The following BANK1 variants were observed in gnomAD, a reference collection of about 807,000 sequenced individuals.
BANK1 encodes B cell scaffold protein with ankyrin repeats 1.
BANK1 carries 95 observed loss-of-function variants against 94.5 expected under a neutral mutation model. The ratio of observed to expected loss-of-function variants is 1.00; its 90% CI spans 0.85 to 1.19. The LOEUF (loss-of-function observed/expected upper bound fraction) is 1.19. Among genes scored for constraint, BANK1 ranks in the 50% most tolerant of loss-of-function variants. The probability of loss-of-function intolerance (pLI) is 0.00; values close to 1 mark genes in which losing one functional copy is unlikely to be tolerated. For synonymous variants in BANK1, 334 were observed against 308.4 expected (o/e 1.08, Z -0.87); for missense variants, 987 against 932.2 (o/e 1.06, Z -0.77).
At chr4:101,976,061 G>A (rs1725115860) in intron 7 of BANK1, among the ~76,000 whole-genome samples, 1 of 152,130 alleles carries the variant, frequency 6.6e-6, no homozygotes, top group Non-Finnish European at 1.5e-5. Flanking sequence ...ATAATTTTCA[G>A]CACCTTGTAT....
intron 10 of BANK1, among the ~76,000 whole-genome samples, chr4:102,035,069 G>A (rs1727455788): frequency 6.6e-6 from 1 of 152,124 alleles, no homozygotes; most frequent in Non-Finnish European, 1.5e-5. Context: ...TGATAGAAGT[G>A]ACAAGATCCA....
At position 101,831,430 on chromosome 4, in the gene BANK1, T is replaced by C. The variant is rs528966057; in HGVS notation, c.469+1224T>C. Among the ~76,000 whole-genome samples the C allele has an allele frequency of 8.5e-5, 13 of 152,350 alleles. No individual in the cohort carries two copies. The South Asian group carries it at 2.1e-3, about 24-fold the overall frequency. ...ACTTTCTTCTTACCAAAATTCCTTC[T>C]TATTTTCCAGTATTGTAACCTCTTC... is the stretch of plus-strand genomic sequence containing the variant. On this transcript the variant is annotated intron_variant, in intron 2 of 16. Transcript: ENST00000322953.
At position 101,910,301 on chromosome 4, in the gene BANK1, CATT is replaced by C. The variant is rs142495697; in HGVS notation, c.1010-7691_1010-7689del. Among the ~76,000 whole-genome samples, 655 of 152,280 alleles carry C rather than the reference CATT, an allele frequency of 4.3e-3. 7 individuals carry two copies. The highest frequency in any genetic ancestry group is 0.015 in the African/African-American group (643 of 41,552). On this transcript the variant is annotated intron_variant, in intron 6 of 16. Coordinates refer to ENST00000322953, the MANE Select transcript of BANK1 (RefSeq NM_017935.5). ...TGAGTGAACAGTAATTGATTGGCAT[CATT>C]GTTATGTACATAACTAAAATTGACA...
At position 101,963,588 on chromosome 4, in the gene BANK1, G is replaced by T. The variant is rs761322390; in HGVS notation, c.1206+45399G>T. On this transcript the variant is annotated intron_variant, in intron 7 of 16. Coordinates refer to ENST00000322953, the MANE Select transcript of BANK1 (RefSeq NM_017935.5). ...TAATTTTAGATTAAAGATTGGTTGTGTGGATCTACCACTCAACCAAAGTGT... is the reference window on the plus strand; with the variant it reads ...TAATTTTAGATTAAAGATTGGTTGTTTGGATCTACCACTCAACCAAAGTGT... 3.8e-4 allele frequency among the ~76,000 whole-genome samples: 58 copies of T among 152,052 alleles called. 2 individuals carry two copies. Among genetic ancestry groups the T allele is most frequent in the Admixed American group, 3.3e-4 (5 of 15,248 alleles).
At chr4:101,936,452 A>G (rs1016910359) in intron 7 of BANK1, among the ~76,000 whole-genome samples, 4 of 150,386 alleles carry the variant, frequency 2.7e-5, no homozygotes, top group African/African-American at 9.7e-5. Context: ...ATGTTTGCAT[A>G]TACTTTATAT....
At chr4:102,047,248 G>A (rs1727906667) in intron 11 of BANK1, among the ~76,000 whole-genome samples, 1 of 152,150 alleles carries the variant, frequency 6.6e-6, no homozygotes, top group African/African-American at 2.4e-5. Context: ...TTTCACAACA[G>A]CAAGGTGGTA....
intron 1 of BANK1, among the ~76,000 whole-genome samples, chr4:101,807,480 T>A (rs1024921663): frequency 1.7e-4 from 26 of 152,098 alleles, no homozygotes; most frequent in African/African-American, 6.3e-4. Context: ...GTCATCAGGA[T>A]TGGATAAGTA....
intron 2 of BANK1, among the ~76,000 whole-genome samples, chr4:101,836,606 G>C (rs1004453294): frequency 6.6e-6 from 1 of 152,202 alleles, no homozygotes; most frequent in African/African-American, 2.4e-5. Flanking sequence ...ATTTATAAAT[G>C]TTTCTGGTAC....
rs529079353 is a variant in BANK1 at position 101,851,098 on chromosome 4, T to G, written c.470-3937T>G. Among the ~76,000 whole-genome samples the G allele has an allele frequency of 2.6e-4, 39 of 152,274 alleles. No homozygotes were observed. The South Asian group carries it at 7.7e-3, about 30-fold the overall frequency. ...AAGGCATGTTAAAAGCCAATATAGG[T>G]AGAAAGCTAGGATTCTTTCTTCAAA... On this transcript the variant is annotated intron_variant, in intron 2 of 16. Transcript: ENST00000322953.
chr4:101,818,779 CTTAGTATA>C (rs1726020228), intron 1 of BANK1, among the ~76,000 whole-genome samples: 1 of 151,612 alleles, frequency 6.6e-6, no homozygotes. Flanking sequence ...AGCAAAAAAG[CTTAGTATA>C]TATAGAGTTC....
Position 102,029,581 on chromosome 4 carries a change from A to C in BANK1, c.1595-379A>C, listed in dbSNP as rs1039516556. ...CATATAATTATATTTTATACATTAA[A>C]TATTTATATATGAAATAATATATAA... On this transcript the variant is annotated intron_variant, in intron 9 of 16. Transcript: ENST00000322953. Among the ~76,000 whole-genome samples, 148 of 148,132 alleles carry C rather than the reference A, an allele frequency of 1.0e-3. 1 individual carries two copies. Among genetic ancestry groups the C allele is most frequent in the African/African-American group, 3.4e-3 (141 of 40,938 alleles).
At chr4:101,837,612 GC>G (rs893635612) in intron 2 of BANK1, among the ~76,000 whole-genome samples, 6 of 151,868 alleles carry the variant, frequency 4.0e-5, no homozygotes, top group African/African-American at 1.5e-4. Flanking sequence ...CTTTAAAGAA[GC>G]TTTTTATATA....
intron 10 of BANK1, among the ~76,000 whole-genome samples, chr4:102,034,042 TC>T (rs1727415441): frequency 7.0e-6 from 1 of 142,188 alleles, no homozygotes; most frequent in African/African-American, 2.6e-5. Flanking sequence ...CTTTTTTTTT[TC>T]CCCTAGCTTG....
At chr4:101,805,753 C>T (rs911222492) in intron 1 of BANK1, among the ~76,000 whole-genome samples, 1 of 151,678 alleles carries the variant, frequency 6.6e-6, no homozygotes, top group African/African-American at 2.4e-5. Context: ...TATGTCCAAT[C>T]TTAAACTAAC....
chr4:102,061,721 G>C (rs953631134), intron 12 of BANK1: 1 of 149,440 alleles, frequency 6.7e-6, no homozygotes, highest in African/African-American at 2.5e-5. Context: ...AACCCTGGTT[G>C]TTTCTATTTT....
intron 7 of BANK1, among the ~76,000 whole-genome samples, chr4:101,990,486 C>T (rs1486572): frequency 0.33 from 50,872 of 152,102 alleles, 9,661 homozygotes; most frequent in Non-Finnish European, 0.43. Flanking sequence ...TTGTATTCTT[C>T]ACAGAACAAG....
At position 101,790,926 on chromosome 4, in the gene BANK1, G is replaced by T; in HGVS notation, c.46G>T (p.Ala16Ser). 2 of 1,529,082 alleles carry T rather than the reference G, an allele frequency of 1.3e-6. No individual in the cohort carries two copies. Among genetic ancestry groups the T allele is most frequent in the Non-Finnish European group, 8.7e-7 (1 of 1,143,636 alleles). 94.7% of individuals were successfully genotyped at this position (1,529,082 alleles called of 1,614,324 possible). A position where few individuals can be genotyped will look rare whatever the true frequency, so the allele number is the denominator to read the frequency against. Residue 16 changes from alanine to serine, a missense_variant, in exon 1 of 17, where the codon GCC (alanine) becomes TCC (serine). Ala to Ser is a moderately conservative substitution (Grantham distance 99). Coordinates refer to ENST00000322953, the MANE Select transcript of BANK1 (RefSeq NM_017935.5). ...CAAGGGGCTTGGGAGCCCGGACCCC[G>T]CCCCCTGCGGCCCAGCGCCCCCAGG... ...PGKGLGSPDP[A>S]PCGPAPPGNT...
At chr4:101,938,020 A>G (rs965959415) in intron 7 of BANK1, among the ~76,000 whole-genome samples, 26 of 151,770 alleles carry the variant, frequency 1.7e-4, no homozygotes, top group African/African-American at 5.8e-4. Context: ...GTTCTCACCC[A>G]TAAGTGATAG....
intron 12 of BANK1, chr4:102,062,524 A>C (rs1031894690): frequency 2.0e-5 from 3 of 152,276 alleles, no homozygotes; most frequent in Non-Finnish European, 4.4e-5. Context: ...TTAAAAAGAT[A>C]ATGTTCAATA....
Sources: allele counts gnomAD v4.1 joint callset (sites outside exome capture counted in the v4.1 genomes callset), GRCh38; gene constraint gnomAD v4.1.1; transcripts MANE v1.5; gene names NCBI Gene and HGNC (gene_info 2026-07-23, HGNC 2026-07-21).